The following DIS3L2 variants were observed in gnomAD, a reference collection of about 807,000 sequenced individuals.
DIS3L2 encodes DIS3 like 3'-5' exoribonuclease 2, also known as DIS3-like exonuclease 2.
In DIS3L2, 34 loss-of-function variants were observed where a neutral mutation model predicts 97.5. The observed-to-expected ratio is 0.35, with a 90% confidence interval of 0.27 to 0.46. The LOEUF is 0.46. DIS3L2 is among the 20% of genes least tolerant of loss of function. The pLI is 1.00. For synonymous variants in DIS3L2, 435 were observed against 445.2 expected (o/e 0.98, Z 0.29); for missense variants, 1,038 against 1,146.0 (o/e 0.91, Z 1.36).
chr2:232,225,697 T>G (rs1344546425), intron 10 of DIS3L2, among the ~76,000 whole-genome samples: 1 of 152,196 alleles, frequency 6.6e-6, no homozygotes, highest in African/African-American at 2.4e-5. Context: ...TGCTTAATGC[T>G]TGTATACTTT....
chr2:232,263,370 T>C lies in DIS3L2; in HGVS notation c.1589T>C (p.Leu530Ser), dbSNP rs761465422. Residue 530 changes from leucine (L) to serine (S), a missense_variant, in exon 13 of 21, where the codon TTG (leucine) becomes TCG (serine). By Grantham distance (145) the Leu-to-Ser change is moderately radical (BLOSUM62 -2). Coordinates refer to ENST00000325385, the MANE Select transcript of DIS3L2 (RefSeq NM_152383.5). ...AGCGAGGAGGTACACCAGGCCGTCT[T>C]GAATCTCCACGGAATTGCCAAGCAG... ...HSSEEVHQAV[L>S]NLHGIAKQLR... 3 of 1,614,174 alleles carry C rather than the reference T, an allele frequency of 1.9e-6. No homozygotes were observed. Among genetic ancestry groups the C allele is most frequent in the Non-Finnish European group, 2.5e-6 (3 of 1,180,030 alleles).
chr2:232,006,934 T>A (rs1694068464), intron 1 of DIS3L2, among the ~76,000 whole-genome samples: 1 of 152,218 alleles, frequency 6.6e-6, no homozygotes, highest in African/African-American at 2.4e-5. Flanking sequence ...CAGAAAACTT[T>A]ACTTCATTAT....
At chr2:232,087,845 A>G (rs3748887) in intron 6 of DIS3L2, 124 bp downstream of exon 6, 202 of 756,406 alleles carry the variant, frequency 2.7e-4, no homozygotes, top group Admixed American at 7.1e-4. Context: ...GACCTGTGGC[A>G]GCTTTCAGAA....
At chr2:232,324,275 A>G (rs1052103793) in intron 14 of DIS3L2, among the ~76,000 whole-genome samples, 1 of 152,202 alleles carries the variant, frequency 6.6e-6, no homozygotes, top group African/African-American at 2.4e-5. Context: ...TGCAGAAGAA[A>G]TGAGGCTGAA....
At chr2:232,251,949 G>A (rs1298046817) in intron 12 of DIS3L2, among the ~76,000 whole-genome samples, 2 of 152,178 alleles carry the variant, frequency 1.3e-5, no homozygotes, top group African/African-American at 4.8e-5. Context: ...TGAAGGAGGA[G>A]TAAATGAAGA....
chr2:232,276,606 C>T lies in DIS3L2; in HGVS notation c.1659+13166C>T, dbSNP rs1294214127. Among the ~76,000 whole-genome samples, 3 of 152,236 alleles carry T rather than the reference C, an allele frequency of 2.0e-5. No individual in the cohort carries two copies. Among genetic ancestry groups the T allele is most frequent in the African/African-American group, 7.2e-5 (3 of 41,462 alleles). On this transcript the variant is annotated intron_variant, in intron 13 of 20. Transcript: ENST00000325385. This position sits in a 1 kb window ranked among gnomAD's most constrained non-coding sequence, Gnocchi z 4.4. The stretch of plus-strand genomic sequence containing the variant: ...CACTCCAGACTGCCCCAGGCCCCAA[C>T]TCTCAGCTCTCCTGTTGCTACCAGC...
chr2:232,339,463 G>A (rs1696059869), downstream of DIS3L2, among the ~76,000 whole-genome samples: 1 of 152,174 alleles, frequency 6.6e-6, no homozygotes, highest in South Asian at 2.1e-4. Flanking sequence ...GTCCAGAGAG[G>A]CCTGACAGGG....
At chr2:232,054,445 C>A (rs1322463466) in intron 5 of DIS3L2, among the ~76,000 whole-genome samples, 1 of 152,098 alleles carries the variant, frequency 6.6e-6, no homozygotes, top group African/African-American at 2.4e-5. Flanking sequence ...AATGCAAAAG[C>A]CAGAAGTGAT....
intron 9 of DIS3L2, among the ~76,000 whole-genome samples, chr2:232,173,781 C>G (rs1691063771): frequency 6.6e-6 from 1 of 152,182 alleles, no homozygotes; most frequent in Non-Finnish European, 1.5e-5. Context: ...ACTCTCAATT[C>G]TGTTCCATTG....
chr2:232,291,532 C>A (rs965981160), intron 13 of DIS3L2, among the ~76,000 whole-genome samples: 55 of 152,256 alleles, frequency 3.6e-4, no homozygotes, highest in Admixed American at 3.3e-4. Flanking sequence ...GCTTCCCAGG[C>A]CGGCCTTGAC....
At chr2:232,331,562 C>T (rs1695738808) in intron 16 of DIS3L2, 1 of 152,164 alleles carries the variant, frequency 6.6e-6, no homozygotes. Flanking sequence ...GCCTGGTCAC[C>T]GTGACCTGCC....
chr2:231,962,178 C>T (rs538109285), intron 1 of DIS3L2, among the ~76,000 whole-genome samples: 2 of 152,156 alleles, frequency 1.3e-5, no homozygotes, highest in South Asian at 2.1e-4. Flanking sequence ...TGGGGAGCCT[C>T]GGGAATCTTG....
At position 232,168,608 on chromosome 2, in the gene DIS3L2, A is replaced by G. The variant is rs971496182; in HGVS notation, c.1124+4976A>G. On this transcript the variant is annotated intron_variant, in intron 9 of 20. Coordinates refer to ENST00000325385, the MANE Select transcript of DIS3L2 (RefSeq NM_152383.5). Reference sequence around the variant, plus strand: ...CCCATTATTTGCACTTGGCAAAAGCATAGGAACCAAGAGTGCCACTGTCAT... The same window carrying G: ...CCCATTATTTGCACTTGGCAAAAGCGTAGGAACCAAGAGTGCCACTGTCAT... Among the ~76,000 whole-genome samples the G allele has an allele frequency of 7.9e-5, 12 of 152,326 alleles. No homozygotes were observed. In the South Asian group the frequency reaches 1.0e-3, roughly 13 times the overall value.
chr2:232,319,061 G>T (rs1695355748), intron 14 of DIS3L2, among the ~76,000 whole-genome samples: 1 of 152,200 alleles, frequency 6.6e-6, no homozygotes, highest in East Asian at 1.9e-4. Flanking sequence ...TACCCAGCAG[G>T]GAGGTGTGGT....
chr2:231,973,295 C>T (rs932408527), intron 1 of DIS3L2, among the ~76,000 whole-genome samples: 4 of 151,940 alleles, frequency 2.6e-5, no homozygotes, highest in Admixed American at 2.6e-4. Context: ...CACACACACA[C>T]ACACGTATAT....
At chr2:232,020,797 G>C (rs1694490716) in intron 3 of DIS3L2, among the ~76,000 whole-genome samples, 1 of 152,124 alleles carries the variant, frequency 6.6e-6, no homozygotes, top group Non-Finnish European at 1.5e-5. Flanking sequence ...ACCTCATAGG[G>C]TTGTTGTGAG....
chr2:232,126,991 A>G (rs1698079412), intron 6 of DIS3L2, among the ~76,000 whole-genome samples: 1 of 152,098 alleles, frequency 6.6e-6, no homozygotes, highest in Admixed American at 6.6e-5. Flanking sequence ...TCAAGGCTCA[A>G]CTCACTTCCT....
At chr2:232,087,422 A>G in intron 5 of DIS3L2, 65 bp from the exon 6 acceptor site, 2 of 1,293,180 alleles carry the variant, frequency 1.5e-6, no homozygotes, top group Non-Finnish European at 2.1e-6. Flanking sequence ...CTTAGAAAAG[A>G]AAAATCTGCT....
At chr2:232,039,957 A>G (rs568112622) in intron 5 of DIS3L2, among the ~76,000 whole-genome samples, 1 of 152,294 alleles carries the variant, frequency 6.6e-6, no homozygotes, top group South Asian at 2.1e-4. Context: ...GCCCTGTGTT[A>G]GATTCTAGAG....
Sources: gnomAD v4.1 joint callset for allele counts (sites outside exome capture counted in the v4.1 genomes callset) on GRCh38, gnomAD v4.1.1 for gene constraint, Gnocchi (gnomAD v3.1) non-coding constraint, MANE v1.5 for transcripts, NCBI Gene and HGNC (gene_info 2026-07-23, HGNC 2026-07-21) for gene names.